The following CEPT1 variants were observed in gnomAD, a reference collection of about 807,000 sequenced individuals.
The protein encoded by CEPT1 is choline/ethanolaminephosphotransferase 1.
A neutral mutation model predicts 42.6 loss-of-function variants in CEPT1; 7 were observed. The ratio of observed to expected loss-of-function variants is 0.16; its 90% CI spans 0.09 to 0.31. The LOEUF (loss-of-function observed/expected upper bound fraction) is 0.31. Among genes scored for constraint, CEPT1 ranks in the 10% least tolerant of loss-of-function variants. The pLI, the probability that CEPT1 is intolerant of heterozygous loss-of-function variation, is 1.00. For synonymous variants in CEPT1, 171 were observed against 171.9 expected (o/e 0.99, Z 0.04); for missense variants, 306 against 502.1 (o/e 0.61, Z 3.73).
At chr1:111,149,671 T>G (rs1448609706) in intron 2 of CEPT1, among the ~76,000 whole-genome samples, 1 of 152,238 alleles carries the variant, frequency 6.6e-6, no homozygotes, top group Non-Finnish European at 1.5e-5. Context: ...TCCTTTAAAT[T>G]GTTTCACTTG....
chr1:111,149,957 A>T (rs1655180686), intron 2 of CEPT1, among the ~76,000 whole-genome samples: 1 of 152,228 alleles, frequency 6.6e-6, no homozygotes, highest in Admixed American at 6.5e-5. Flanking sequence ...TTTGGAATGT[A>T]TGAATAACCC....
At position 111,161,938 on chromosome 1, in the gene CEPT1, G is replaced by C. The variant is rs570613611; in HGVS notation, c.629+642G>C. ...AGAAGAGTAAATAGTGTTTTTAGAA[G>C]TGATTTGATATCACAGCTTTCTGTC... On this transcript the variant is annotated intron_variant, in intron 4 of 8. Transcript: ENST00000357172. Among the ~76,000 whole-genome samples, 53 of 152,320 alleles carry C rather than the reference G, an allele frequency of 3.5e-4. 1 individual carries two copies. The highest frequency in any genetic ancestry group is 1.9e-3 in the South Asian group (9 of 4,832).
chr1:111,164,666 C>A (rs1656042683), intron 4 of CEPT1, among the ~76,000 whole-genome samples: 1 of 142,904 alleles, frequency 7.0e-6, no homozygotes, highest in Admixed American at 7.1e-5. Context: ...CTCTGTTTCC[C>A]AGGCTGGAGT....
chr1:111,171,145 T>G (rs576804296), intron 4 of CEPT1, among the ~76,000 whole-genome samples: 1 of 152,312 alleles, frequency 6.6e-6, no homozygotes, highest in African/African-American at 2.4e-5. Flanking sequence ...AAAACTGAGT[T>G]CTGGTATTCA....
intron 2 of CEPT1, among the ~76,000 whole-genome samples, chr1:111,153,616 G>A (rs556728060): frequency 1.8e-4 from 27 of 152,294 alleles, no homozygotes; most frequent in Non-Finnish European, 3.4e-4. Context: ...ACATTTGTAA[G>A]TCTTTAATCC....
Position 111,184,869 on chromosome 1 carries a change from T to TTA in CEPT1, c.*559_*560insTA, listed in dbSNP as rs1553240261. 9 of 150,226 alleles carry TTA rather than the reference T, an allele frequency of 6.0e-5. No homozygotes were observed. Among genetic ancestry groups the TTA allele is most frequent in the African/African-American group, 2.0e-4 (8 of 40,906 alleles). The allele number at this position is 150,226 out of a possible 1,614,324, so 9.3% of individuals were successfully genotyped here. A position where few individuals can be genotyped will look rare whatever the true frequency, so the allele number is the denominator to read the frequency against. Reference sequence around the variant, plus strand: ...GTCCTTTTTTTTTTTTTTTTTTTTTTAATTGCTCAAGAAATGATTCTCTCA... The same window carrying TTA: ...GTCCTTTTTTTTTTTTTTTTTTTTTTTAAATTGCTCAAGAAATGATTCTCTCA... On this transcript the variant is annotated 3_prime_UTR_variant, in exon 9 of 9. Coordinates refer to ENST00000357172, the MANE Select transcript of CEPT1 (RefSeq NM_006090.5).
intron 1 of CEPT1, among the ~76,000 whole-genome samples, chr1:111,145,835 AC>A (rs1654930126): frequency 2.0e-5 from 3 of 150,978 alleles, no homozygotes; most frequent in Admixed American, 6.6e-5. Context: ...CCTCCCCTCC[AC>A]CCCAGACAGG....
chr1:111,140,246 C>G lies in CEPT1; in HGVS notation c.-135C>G, dbSNP rs1488248734. ...GTGTCGTGAACGTGCTGCCGCCGAT[C>G]AGTCACCCAGTCGGCTGGAGTCGGA... On this transcript the variant is annotated 5_prime_UTR_variant, in exon 1 of 9. The change creates a new upstream start codon in the 5' untranslated region. Transcript: ENST00000357172. 1 of 152,318 alleles carries G rather than the reference C, an allele frequency of 6.6e-6. No individual in the cohort carries two copies. Among genetic ancestry groups the G allele is most frequent in the African/African-American group, 2.4e-5 (1 of 41,464 alleles). 9.4% of individuals were successfully genotyped at this position (152,318 alleles called of 1,614,324 possible). A position where few individuals can be genotyped will look rare whatever the true frequency, so the allele number is the denominator to read the frequency against.
At chr1:111,140,476 G>A (rs1654397287) in intron 1 of CEPT1, 169 bp downstream of exon 1, 1 of 152,484 alleles carries the variant, frequency 6.6e-6, no homozygotes, top group Non-Finnish European at 1.5e-5. Flanking sequence ...CCTCGCGCGC[G>A]GGGTTGTGGG....
intron 4 of CEPT1, among the ~76,000 whole-genome samples, chr1:111,162,804 G>A (rs1440253086): frequency 2.0e-5 from 3 of 152,190 alleles, no homozygotes; most frequent in Non-Finnish European, 4.4e-5. Context: ...AAGCCAGACT[G>A]TAGGGGATAA....
At chr1:111,168,611 C>G (rs1384486437) in intron 4 of CEPT1, among the ~76,000 whole-genome samples, 1 of 152,050 alleles carries the variant, frequency 6.6e-6, no homozygotes, top group Non-Finnish European at 1.5e-5. Context: ...GCCTCAGCCT[C>G]CCAAGTAGCT....
In CEPT1 at chr1:111,159,425, T is replaced by G; in HGVS notation, c.385T>G (p.Tyr129Asp). The G allele has an allele frequency of 6.2e-7, 1 of 1,613,166 alleles. No individual in the cohort carries two copies. The highest frequency in any genetic ancestry group is 8.5e-7 in the Non-Finnish European group (1 of 1,179,698). The change falls in exon 3 of 9, where the codon TAC (tyrosine) becomes GAC (aspartate). Residue 129 changes from tyrosine to aspartate, a missense_variant. Transcript: ENST00000357172. Reference sequence around the variant, plus strand: ...TGCTTGTGCCTGTGGCCTTTTCATTTACCAGTCTTTGGATGCTATTGATGG... The same window carrying G: ...TGCTTGTGCCTGTGGCCTTTTCATTGACCAGTCTTTGGATGCTATTGATGG... ...YIACACGLFI[Y>D]QSLDAIDGKQ...
chr1:111,168,297 A>G (rs1349238953), intron 4 of CEPT1, among the ~76,000 whole-genome samples: 2 of 152,076 alleles, frequency 1.3e-5, no homozygotes, highest in Admixed American at 1.3e-4. Flanking sequence ...GCTTAGATTC[A>G]GTTTATTTGG....
chr1:111,177,734 G>T (rs1314623630), intron 5 of CEPT1, among the ~76,000 whole-genome samples: 2 of 152,010 alleles, frequency 1.3e-5, no homozygotes, highest in Non-Finnish European at 2.9e-5. Context: ...TAAATTATAT[G>T]TTTTATCTGA....
intron 4 of CEPT1, among the ~76,000 whole-genome samples, chr1:111,171,979 C>T (rs1557937558): frequency 2.6e-5 from 4 of 152,206 alleles, no homozygotes; most frequent in East Asian, 1.9e-4. Context: ...TCAGGTGATC[C>T]GCCTGCCTCG....
chr1:111,181,035 A>T (rs1656948608), intron 5 of CEPT1: 1 of 152,236 alleles, frequency 6.6e-6, no homozygotes, highest in African/African-American at 2.4e-5. Context: ...GCAGTGGCAC[A>T]TGCCTGTAAT....
At chr1:111,179,583 GGC>G (rs572263871) in intron 5 of CEPT1, 300 of 152,312 alleles carry the variant, frequency 2.0e-3, no homozygotes, top group African/African-American at 6.7e-3. Flanking sequence ...GGGTGAGAAT[GGC>G]AACACTTTGT....
chr1:111,180,484 C>T (rs1304564157), intron 5 of CEPT1: 1 of 152,182 alleles, frequency 6.6e-6, no homozygotes, highest in Non-Finnish European at 1.5e-5. Context: ...TGAACTTAGA[C>T]TGTAGAGGTT....
chr1:111,182,909 T>C lies in CEPT1; in HGVS notation c.957T>C (p.Tyr319=), dbSNP rs1285321101. 1.2e-6 allele frequency: 2 copies of C among 1,613,732 alleles called. No individual in the cohort carries two copies. Among genetic ancestry groups the C allele is most frequent in the Non-Finnish European group, 1.7e-6 (2 of 1,179,772 alleles). Residue 319 remains tyrosine, a synonymous_variant, in exon 7 of 9, where the codon TAT becomes TAC. Transcript: ENST00000357172. ...VQLFEKHPCL[Y]ILTFGFVSAK... ...TTTTTGAAAAGCATCCCTGTCTTTATATACTGACATTTGGTTTTGTGTCTG... is the reference window on the plus strand; with the variant it reads ...TTTTTGAAAAGCATCCCTGTCTTTACATACTGACATTTGGTTTTGTGTCTG...
Sources: gnomAD v4.1 joint callset for allele counts (sites outside exome capture counted in the v4.1 genomes callset) on GRCh38, gnomAD v4.1.1 for gene constraint, MANE v1.5 for transcripts, NCBI Gene and HGNC (gene_info 2026-07-23, HGNC 2026-07-21) for gene names.